RALGPS2: variants seen among roughly 807,000 people sequenced by gnomAD.
RALGPS2 encodes Ral GEF with PH domain and SH3 binding motif 2.
Under a neutral mutation model 86.8 loss-of-function variants are expected in RALGPS2, and 43 were observed. The observed-to-expected ratio is 0.50, with a 90% CI of 0.39 to 0.64. The LOEUF (loss-of-function observed/expected upper bound fraction) is 0.64, where lower values mean the gene tolerates loss of function less well. RALGPS2 is among the 30% of genes least tolerant of loss of function. The pLI, the probability that RALGPS2 is intolerant of heterozygous loss-of-function variation, is 0.00. For missense variants in RALGPS2, 536 were observed against 694.6 expected (o/e 0.77, Z 2.57); for synonymous variants, 243 against 231.3 (o/e 1.05, Z -0.46).
intron 17 of RALGPS2, among the ~76,000 whole-genome samples, chr1:178,901,267 A>G (rs1660165372): frequency 6.6e-6 from 1 of 152,044 alleles, no homozygotes; most frequent in East Asian, 1.9e-4. Context: ...AGAACCGTCA[A>G]AGCCTTCCCA....
chr1:178,746,793 G>A (rs747056018), intron 1 of RALGPS2: 17 of 972,186 alleles, frequency 1.7e-5, no homozygotes, highest in Admixed American at 3.4e-5. Context: ...TCTCACATAC[G>A]TTTCCGTAGA....
At chr1:178,848,344 T>C (rs113183178) in intron 8 of RALGPS2, among the ~76,000 whole-genome samples, 2,232 of 152,030 alleles carry the variant, frequency 0.015, 54 homozygotes, top group African/African-American at 0.052. Context: ...AGTAAAAGAA[T>C]CCTTCTATAA....
At chr1:178,840,093 A>G (rs1230713345) in intron 8 of RALGPS2, among the ~76,000 whole-genome samples, 2 of 152,076 alleles carry the variant, frequency 1.3e-5, no homozygotes, top group East Asian at 3.9e-4. Flanking sequence ...ACAGATCAAC[A>G]AGACAGAAGG....
intron 7 of RALGPS2, among the ~76,000 whole-genome samples, chr1:178,827,824 A>G (rs917278271): frequency 3.3e-5 from 5 of 152,220 alleles, no homozygotes; most frequent in African/African-American, 4.8e-5. Flanking sequence ...TTTACAGTCA[A>G]TTGATCCTCA....
intron 1 of RALGPS2, among the ~76,000 whole-genome samples, chr1:178,741,075 C>CTT (rs575525421): frequency 6.6e-6 from 1 of 152,096 alleles, no homozygotes; most frequent in Non-Finnish European, 1.5e-5. Flanking sequence ...AACTAAGAGT[C>CTT]TAACTATAGT....
chr1:178,912,112 C>G (rs1311629581), intron 19 of RALGPS2, among the ~76,000 whole-genome samples: 1 of 152,138 alleles, frequency 6.6e-6, no homozygotes, highest in African/African-American at 2.4e-5. Context: ...TGAGATGGTT[C>G]TCTTGAAGAT....
intron 7 of RALGPS2, among the ~76,000 whole-genome samples, chr1:178,830,829 G>C (rs1655979390): frequency 6.6e-6 from 1 of 152,096 alleles, no homozygotes; most frequent in Non-Finnish European, 1.5e-5. Context: ...CGGAAGATAT[G>C]TGCAACAGTT....
At chr1:178,830,949 A>G (rs1655986770) in intron 7 of RALGPS2, among the ~76,000 whole-genome samples, 1 of 152,206 alleles carries the variant, frequency 6.6e-6, no homozygotes, top group African/African-American at 2.4e-5. Flanking sequence ...TTTGTAGAGG[A>G]GAGGATACAC....
At chr1:178,750,000 A>C (rs1651564718) in intron 1 of RALGPS2, among the ~76,000 whole-genome samples, 1 of 152,122 alleles carries the variant, frequency 6.6e-6, no homozygotes, top group Non-Finnish European at 1.5e-5. Flanking sequence ...TGTCCCAGCT[A>C]CTTGGAGGGC....
chr1:178,846,012 C>T (rs1656849287), intron 8 of RALGPS2, among the ~76,000 whole-genome samples: 1 of 152,028 alleles, frequency 6.6e-6, no homozygotes, highest in African/African-American at 2.4e-5. Flanking sequence ...GTCGTTTTTG[C>T]ATATATTGAA....
At chr1:178,833,684 A>C (rs1255755941) in intron 8 of RALGPS2, 134 bp downstream of exon 8, 2 of 1,352,544 alleles carry the variant, frequency 1.5e-6, no homozygotes, top group Non-Finnish European at 1.9e-6. Context: ...TAAGCTGAAA[A>C]AAATGACTAA....
chr1:178,855,190 A>G (rs1022863104), intron 8 of RALGPS2, among the ~76,000 whole-genome samples: 1 of 152,010 alleles, frequency 6.6e-6, no homozygotes. Context: ...TTTGGGTCTT[A>G]CTGGGATAGA....
At chr1:178,845,860 A>G (rs920464171) in intron 8 of RALGPS2, among the ~76,000 whole-genome samples, 1 of 152,176 alleles carries the variant, frequency 6.6e-6, no homozygotes, top group Admixed American at 6.5e-5. Flanking sequence ...AACCTCATGA[A>G]TAATCTCTCC....
At chr1:178,787,578 G>C (rs1449102832) in intron 4 of RALGPS2, among the ~76,000 whole-genome samples, 1 of 152,120 alleles carries the variant, frequency 6.6e-6, no homozygotes, top group African/African-American at 2.4e-5. Context: ...TAGGAGCTTG[G>C]ATATTGAAGA....
chr1:178,868,450 A>G (rs1317146786), intron 8 of RALGPS2, among the ~76,000 whole-genome samples: 1 of 152,002 alleles, frequency 6.6e-6, no homozygotes, highest in African/African-American at 2.4e-5. Flanking sequence ...AATATTTACT[A>G]TGAAATAAAC....
At chr1:178,908,693 G>C (rs903642168) in intron 19 of RALGPS2, among the ~76,000 whole-genome samples, 1 of 152,100 alleles carries the variant, frequency 6.6e-6, no homozygotes, top group East Asian at 1.9e-4. Flanking sequence ...TCAAATGCTT[G>C]TTGGCCATGT....
intron 13 of RALGPS2, among the ~76,000 whole-genome samples, chr1:178,887,639 C>T (rs1341905820): frequency 6.6e-6 from 1 of 152,132 alleles, no homozygotes; most frequent in Non-Finnish European, 1.5e-5. Flanking sequence ...TTTTCTGGAA[C>T]ATACTGACTT....
chr1:178,752,487 A>G (rs1166134316), intron 1 of RALGPS2, among the ~76,000 whole-genome samples: 2 of 152,088 alleles, frequency 1.3e-5, no homozygotes, highest in African/African-American at 4.8e-5. Context: ...TGCCAGCACT[A>G]TCTTCCTGCA....
chr1:178,859,937 T>G (rs966909840), intron 8 of RALGPS2, among the ~76,000 whole-genome samples: 4 of 151,642 alleles, frequency 2.6e-5, no homozygotes. Flanking sequence ...CAGGATGGTC[T>G]CGATCTCCTG....
Sources: gnomAD v4.1 joint callset for allele counts (sites outside exome capture counted in the v4.1 genomes callset) on GRCh38, gnomAD v4.1.1 for gene constraint, MANE v1.5 for transcripts, NCBI Gene and HGNC (gene_info 2026-07-23, HGNC 2026-07-21) for gene names.